OR2L3: variants seen among roughly 807,000 people sequenced by gnomAD.
OR2L3 encodes olfactory receptor family 2 subfamily L member 3, also known as olfactory receptor 2L3.
For missense variants in OR2L3, 369 were observed against 376.6 expected, an observed-to-expected ratio of 0.98 and a Z score of 0.17; for synonymous variants, 131 against 139.1, an observed-to-expected ratio of 0.94 and a Z score of 0.41.
At position 248,061,430 on chromosome 1, in the gene OR2L3, A is replaced by G. The variant is rs770998461; in HGVS notation, c.749A>G (p.Tyr250Cys). ...CSTHLTVVTF[Y>C]YAPFVYTYLR... ...ACCCACCTCACTGTAGTAACTTTCT[A>G]CTATGCACCTTTTGTCTACACTTAT... The change falls in exon 2 of 2, where the codon TAC (tyrosine) becomes TGC (cysteine). Residue 250 changes from tyrosine to cysteine, a missense_variant. Tyr to Cys is a radical substitution (Grantham distance 194, BLOSUM62 -2). Transcript: ENST00000359959. 5.6e-6 allele frequency: 9 copies of G among 1,614,008 alleles called. No individual in the cohort carries two copies. The highest frequency in any genetic ancestry group is 4.5e-5 in the East Asian group (2 of 44,862).
chr1:248,060,026 GAGA>G (rs917018832), intron 1 of OR2L3, among the ~76,000 whole-genome samples: 2 of 147,552 alleles, frequency 1.4e-5, no homozygotes, highest in African/African-American at 5.2e-5. Flanking sequence ...GTAACAGAGA[GAGA>G]CCCTGTCACT....
chr1:248,047,319 C>T (rs1373472593), intron 1 of OR2L3, among the ~76,000 whole-genome samples: 1 of 151,520 alleles, frequency 6.6e-6, no homozygotes, highest in Non-Finnish European at 1.5e-5. Context: ...CTTATTGCTA[C>T]TTCTCACTTT....
chr1:248,050,584 T>C (rs1663232626), intron 1 of OR2L3, among the ~76,000 whole-genome samples: 2 of 152,166 alleles, frequency 1.3e-5, no homozygotes, highest in African/African-American at 2.4e-5. Flanking sequence ...TCAGATGTGA[T>C]GTGCCATTTA....
chr1:248,051,810 C>A (rs1286742008), intron 1 of OR2L3, among the ~76,000 whole-genome samples: 1 of 151,830 alleles, frequency 6.6e-6, no homozygotes, highest in East Asian at 1.9e-4. Flanking sequence ...TCATTCAGAA[C>A]TAAAATTGTT....
intron 1 of OR2L3, among the ~76,000 whole-genome samples, chr1:248,057,755 A>G (rs1482256823): frequency 6.6e-6 from 1 of 151,980 alleles, no homozygotes; most frequent in African/African-American, 2.4e-5. Flanking sequence ...TCTTTTTGTT[A>G]CTATTGGAAA....
In OR2L3 at chr1:248,062,502, A is replaced by G. The variant is rs13374060; in HGVS notation, c.*882A>G. On this transcript the variant is annotated 3_prime_UTR_variant, in exon 2 of 2. Coordinates refer to ENST00000359959, the MANE Select transcript of OR2L3 (RefSeq NM_001004687.2). ...TTTTGCTTGTTCTCACTCCTATGCG[A>G]GAGCTAGAATTTTTAAAAACTGAAC... is the stretch of plus-strand genomic sequence containing the variant. The G allele has an allele frequency of 0.12, 18,973 of 152,170 alleles. 3,975 individuals are homozygous for G. Among genetic ancestry groups the G allele is most frequent in the African/African-American group, 0.43 (17,907 of 41,462 alleles). 9.4% of individuals were successfully genotyped at this position (152,170 alleles called of 1,614,324 possible).
rs150439847 is a variant in OR2L3, at chr1:248,052,980, T to C, written c.-22+6100T>C. Among the ~76,000 whole-genome samples the C allele has an allele frequency of 8.0e-3, 1,218 of 152,240 alleles. 21 individuals are homozygous for C. The highest frequency in any genetic ancestry group is 0.028 in the African/African-American group (1,161 of 41,532). On this transcript the variant is annotated intron_variant, in intron 1 of 1. Transcript: ENST00000359959. ...GTTTGTTTTTAAGTTCCAGGGTATA[T>C]GTGCAGGAAGAGCAGTTTTGTTTCA...
At chr1:248,060,475 G>A (rs1046638528) in intron 1 of OR2L3, among the ~76,000 whole-genome samples, 186 bp from the exon 2 acceptor site, 1 of 152,104 alleles carries the variant, frequency 6.6e-6, no homozygotes, top group Admixed American at 6.5e-5. Context: ...AGTTACTCTT[G>A]TTTATCTCTT....
At chr1:248,052,050 A>G (rs1663279910) in intron 1 of OR2L3, among the ~76,000 whole-genome samples, 1 of 152,194 alleles carries the variant, frequency 6.6e-6, no homozygotes, top group Non-Finnish European at 1.5e-5. Context: ...TTCAACTTGC[A>G]GTGGGTTTGT....
chr1:248,061,519 C>G lies in OR2L3; in HGVS notation c.838C>G (p.Leu280Val), dbSNP rs1197370342. 6.2e-7 allele frequency: 1 copy of G among 1,613,784 alleles called. No individual in the cohort carries two copies. Among genetic ancestry groups the G allele is most frequent in the Non-Finnish European group, 8.5e-7 (1 of 1,179,902 alleles). Residue 280 changes from leucine to valine, a missense_variant, in exon 2 of 2, where the codon CTC (leucine) becomes GTC (valine). Transcript: ENST00000359959. Reference sequence around the variant, plus strand: ...GGTTCTGGCTGTCTTCTACACCACCCTCACTCCAATGCTCAACCCCATCAT... The same window carrying G: ...GGTTCTGGCTGTCTTCTACACCACCGTCACTCCAATGCTCAACCCCATCAT... ...DKVLAVFYTT[L>V]TPMLNPIIYS... is the part of the protein sequence containing the mutation.
chr1:248,055,521 C>A (rs1303937678), intron 1 of OR2L3, among the ~76,000 whole-genome samples: 5 of 152,104 alleles, frequency 3.3e-5, no homozygotes, highest in African/African-American at 1.2e-4. Context: ...TCTGGAAGGC[C>A]AAGGCAGGTG....
intron 1 of OR2L3, among the ~76,000 whole-genome samples, chr1:248,047,571 G>A (rs765502519): frequency 1.3e-5 from 2 of 152,072 alleles, no homozygotes; most frequent in Non-Finnish European, 2.9e-5. Context: ...GTTTTTACAC[G>A]CAACTTGATC....
rs1372476075 is a variant in OR2L3 at position 248,061,330 on chromosome 1, T to G, written c.649T>G (p.Tyr217Asp). The change falls in exon 2 of 2, where the codon TAT becomes GAT. Residue 217 changes from tyrosine (Y) to aspartate (D), a missense_variant. Transcript: ENST00000359959. ...VFPFIAISCSYGRVLLAVYHM... is the reference protein window; with the variant it reads ...VFPFIAISCSDGRVLLAVYHM... ...TCCCTTCATTGCTATTTCATGTTCC[T>G]ATGGCCGGGTTCTCCTTGCTGTCTA... 1 of 1,613,876 alleles carries G rather than the reference T, an allele frequency of 6.2e-7. No homozygotes were observed. Among genetic ancestry groups the G allele is most frequent in the South Asian group, 1.1e-5 (1 of 91,072 alleles).
Position 248,062,682 on chromosome 1 carries a change from T to A in OR2L3, c.*1062T>A, listed in dbSNP as rs1360272380. 2.6e-5 allele frequency: 4 copies of A among 151,862 alleles called. No individual in the cohort carries two copies. Among genetic ancestry groups the A allele is most frequent in the Admixed American group, 2.6e-4 (4 of 15,270 alleles). 9.4% of individuals were successfully genotyped at this position (151,862 alleles called of 1,614,324 possible). ...ACAATAGAGTAACTATAGTAAACAA[T>A]AATTTATTGTAGAATTTATTGTATG... is the stretch of plus-strand genomic sequence containing the variant. On this transcript the variant is annotated 3_prime_UTR_variant, in exon 2 of 2. Transcript: ENST00000359959.
chr1:248,054,907 C>T (rs116344815), intron 1 of OR2L3, among the ~76,000 whole-genome samples: 1,815 of 152,268 alleles, frequency 0.012, 29 homozygotes, highest in African/African-American at 0.041. Flanking sequence ...GACTTCCTTT[C>T]TTCCTATTTG....
At chr1:248,055,298 G>A (rs1456515549) in intron 1 of OR2L3, among the ~76,000 whole-genome samples, 1 of 152,184 alleles carries the variant, frequency 6.6e-6, no homozygotes, top group African/African-American at 2.4e-5. Flanking sequence ...TGACTTGATT[G>A]TGATGGAGAA....
chr1:248,049,324 C>T (rs1440005180), intron 1 of OR2L3, among the ~76,000 whole-genome samples: 1 of 152,192 alleles, frequency 6.6e-6, no homozygotes, highest in Non-Finnish European at 1.5e-5. Context: ...GAAAGAGATC[C>T]ATGCAATGCA....
intron 1 of OR2L3, among the ~76,000 whole-genome samples, chr1:248,047,919 A>G (rs1402969460): frequency 1.3e-5 from 2 of 152,148 alleles, no homozygotes; most frequent in African/African-American, 4.8e-5. Context: ...TAACCCATGG[A>G]TTCTTCTCCC....
rs1413346692 is a variant in OR2L3 at position 248,060,984 on chromosome 1, C to T, written c.303C>T (p.Phe101=). Reference sequence around the variant, plus strand: ...TCACTGGGTGTGGGATTCAGAGTTTCTTCTTCTCGGCATTAGGAGGTGCAG... The same window carrying T: ...TCACTGGGTGTGGGATTCAGAGTTTTTTCTTCTCGGCATTAGGAGGTGCAG... ...ISFTGCGIQS[F]FFSALGGAEA... is the part of the protein sequence containing the mutation. The change falls in exon 2 of 2, where the codon TTC becomes TTT. Residue 101 remains phenylalanine, a synonymous_variant. Transcript: ENST00000359959. The T allele has an allele frequency of 1.9e-6, 3 of 1,614,068 alleles. No homozygotes were observed. In the East Asian group the frequency reaches 6.7e-5, roughly 36 times the overall value.
Sources: allele counts gnomAD v4.1 joint callset (sites outside exome capture counted in the v4.1 genomes callset), GRCh38; gene constraint gnomAD v4.1.1; transcripts MANE v1.5; gene names NCBI Gene and HGNC (gene_info 2026-07-23, HGNC 2026-07-21).